The following SLCO6A1 variants were observed in gnomAD, a reference collection of about 807,000 sequenced individuals.
The protein encoded by SLCO6A1 is cancer/testis antigen 48.
Under a neutral mutation model 72.7 loss-of-function variants are expected in SLCO6A1, and 65 were observed. The ratio of observed to expected loss-of-function variants is 0.89; its 90% confidence interval spans 0.73 to 1.10. The LOEUF (loss-of-function observed/expected upper bound fraction) is 1.10, where lower values mean the gene tolerates loss of function less well. SLCO6A1 is among the 50% of genes least tolerant of loss of function. SLCO6A1 has a pLI of 0.00. For synonymous variants in SLCO6A1, 314 were observed against 298.2 expected, an observed-to-expected ratio of 1.05 and a Z score of -0.55; for missense variants, 874 against 872.6, an observed-to-expected ratio of 1.00 and a Z score of -0.02.
chr5:102,483,718 G>T (rs1752318019), intron 1 of SLCO6A1, among the ~76,000 whole-genome samples: 1 of 152,150 alleles, frequency 6.6e-6, no homozygotes, highest in Non-Finnish European at 1.5e-5. Context: ...TTCAAGCAAG[G>T]AACTGTTTCT....
chr5:102,378,599 G>A (rs1240011087), intron 12 of SLCO6A1, among the ~76,000 whole-genome samples: 3 of 144,034 alleles, frequency 2.1e-5, no homozygotes, highest in East Asian at 2.0e-4. Flanking sequence ...CCAAAATTAT[G>A]TAAGTGGAAT....
chr5:102,422,068 T>C (rs1477843612), intron 7 of SLCO6A1, among the ~76,000 whole-genome samples: 2 of 151,998 alleles, frequency 1.3e-5, no homozygotes, highest in African/African-American at 4.8e-5. Context: ...CAGAAAGCAA[T>C]AACATCAACA....
chr5:102,465,609 C>T (rs1561484712), intron 4 of SLCO6A1, among the ~76,000 whole-genome samples: 1 of 151,974 alleles, frequency 6.6e-6, no homozygotes, highest in Non-Finnish European at 1.5e-5. Context: ...ATCATATAAC[C>T]TAGAAGAATA....
At chr5:102,422,286 C>T (rs547729858) in intron 7 of SLCO6A1, among the ~76,000 whole-genome samples, 2 of 152,250 alleles carry the variant, frequency 1.3e-5, no homozygotes, top group Admixed American at 6.5e-5. Context: ...CACAAATTGA[C>T]AGAAGTAAGC....
chr5:102,412,874 A>G, intron 9 of SLCO6A1, 116 bp downstream of exon 9: 1 of 389,342 alleles, frequency 2.6e-6, no homozygotes, highest in Non-Finnish European at 4.2e-6. Context: ...GAAAAATGTT[A>G]ATAGCATCTA....
chr5:102,439,068 G>C (rs1355590558), intron 6 of SLCO6A1, among the ~76,000 whole-genome samples: 1 of 151,812 alleles, frequency 6.6e-6, no homozygotes, highest in African/African-American at 2.4e-5. Flanking sequence ...AAAGATTAGA[G>C]AAAAATAGGT....
chr5:102,429,042 A>G lies in SLCO6A1; in HGVS notation c.1277-9021T>C, dbSNP rs549791242. On this transcript the variant is annotated intron_variant, in intron 7 of 13. Transcript: ENST00000506729. Reference sequence around the variant, plus strand: ...GGTATTGATTTGCATTTCTCTAATGATAAGTGATACTGAGGTTTTTTCATA... The same window carrying G: ...GGTATTGATTTGCATTTCTCTAATGGTAAGTGATACTGAGGTTTTTTCATA... Among the ~76,000 whole-genome samples the G allele has an allele frequency of 7.2e-5, 11 of 152,294 alleles. No homozygotes were observed. In the East Asian group the frequency reaches 2.1e-3, roughly 29 times the overall value.
chr5:102,433,842 G>A (rs911493709), intron 7 of SLCO6A1, among the ~76,000 whole-genome samples: 24 of 152,068 alleles, frequency 1.6e-4, no homozygotes, highest in African/African-American at 5.6e-4. Context: ...GGGAGCTAGT[G>A]AGGTTTTTTG....
Position 102,388,710 on chromosome 5 carries a change from C to A in SLCO6A1, c.1995G>T (p.Met665Ile). The change falls in exon 12 of 14, where the codon ATG (methionine) becomes ATT (isoleucine). Residue 665 changes from methionine (M) to isoleucine (I), a missense_variant. By Grantham distance (10) the Met-to-Ile change is conservative (BLOSUM62 1). Coordinates refer to ENST00000506729, the MANE Select transcript of SLCO6A1 (RefSeq NM_173488.5). ...TACATATTCCTACCAATAAGAAAGCCATTTTTGTCTTGTTATATATCCAAC... is the reference window on the plus strand; with the variant it reads ...TACATATTCCTACCAATAAGAAAGCAATTTTTGTCTTGTTATATATCCAAC... Reference protein sequence around the residue: ...GRCWIYNKTKMAFLLVGICFL... With the variant: ...GRCWIYNKTKIAFLLVGICFL... 6.3e-7 allele frequency: 1 copy of A among 1,580,818 alleles called. No homozygotes were observed. Among genetic ancestry groups the A allele is most frequent in the East Asian group, 2.3e-5 (1 of 43,668 alleles).
chr5:102,423,445 G>A (rs1748717816), intron 7 of SLCO6A1, among the ~76,000 whole-genome samples: 1 of 151,616 alleles, frequency 6.6e-6, no homozygotes, highest in Admixed American at 6.6e-5. Context: ...CAAGCAAATG[G>A]AAAGAAGAAA....
chr5:102,411,959 T>C (rs939006167), intron 9 of SLCO6A1, among the ~76,000 whole-genome samples: 2 of 152,128 alleles, frequency 1.3e-5, no homozygotes, highest in South Asian at 4.1e-4. Context: ...GAATAGGAAA[T>C]ATTTGTCATC....
intron 12 of SLCO6A1, among the ~76,000 whole-genome samples, chr5:102,381,368 T>C (rs1406454270): frequency 6.6e-6 from 1 of 151,848 alleles, no homozygotes; most frequent in Non-Finnish European, 1.5e-5. Flanking sequence ...CATGATGTCC[T>C]GTAGTTTCAC....
chr5:102,449,524 C>T (rs957107003), intron 6 of SLCO6A1, among the ~76,000 whole-genome samples: 13 of 151,898 alleles, frequency 8.6e-5, no homozygotes, highest in Non-Finnish European at 1.8e-4. Flanking sequence ...GTAGCTGAGA[C>T]TACAGGCACC....
rs1376432958 is a variant in SLCO6A1, at chr5:102,498,958, A to C, written c.-114T>G. On this transcript the variant is annotated 5_prime_UTR_variant, in exon 1 of 14. Coordinates refer to ENST00000506729, the MANE Select transcript of SLCO6A1 (RefSeq NM_173488.5). ...GGGCGTCGGAGGACTCGGTGGCCAC[A>C]AGGGGCTCTTGCCGCCCAAGCCTCC... 4 of 1,010,068 alleles carry C rather than the reference A, an allele frequency of 4.0e-6. No individual in the cohort carries two copies. Among genetic ancestry groups the C allele is most frequent in the Non-Finnish European group, 5.8e-6 (4 of 688,238 alleles). 62.6% of individuals were successfully genotyped at this position (1,010,068 alleles called of 1,614,324 possible). A position where few individuals can be genotyped will look rare whatever the true frequency, so the allele number is the denominator to read the frequency against.
intron 7 of SLCO6A1, among the ~76,000 whole-genome samples, chr5:102,435,306 G>A (rs955091352): frequency 6.6e-6 from 1 of 152,098 alleles, no homozygotes; most frequent in Non-Finnish European, 1.5e-5. Flanking sequence ...GTTTGTTGTA[G>A]CCTCAATATA....
At chr5:102,426,579 A>G (rs1748906175) in intron 7 of SLCO6A1, among the ~76,000 whole-genome samples, 1 of 152,242 alleles carries the variant, frequency 6.6e-6, no homozygotes, top group Non-Finnish European at 1.5e-5. Context: ...ATACCATCTC[A>G]TGCCAGTTAG....
At chr5:102,478,382 T>C (rs1752021595) in intron 2 of SLCO6A1, among the ~76,000 whole-genome samples, 1 of 152,212 alleles carries the variant, frequency 6.6e-6, no homozygotes, top group Non-Finnish European at 1.5e-5. Flanking sequence ...TGTTCTAGAT[T>C]ATCTGCGTTA....
chr5:102,437,564 C>T (rs1166021373), intron 7 of SLCO6A1, among the ~76,000 whole-genome samples: 1 of 152,012 alleles, frequency 6.6e-6, no homozygotes, highest in Non-Finnish European at 1.5e-5. Context: ...TCAGAGTGCC[C>T]CAAACCTGGT....
Position 102,373,321 on chromosome 5 carries a change from A to C in SLCO6A1, c.*15+16T>G. ...ATTAATATTTCATTGATAGATTGAC[A>C]ATGTGTAATTCTTACACAATGATGA... On this transcript the variant is annotated intron_variant, in intron 13 of 13. Transcript: ENST00000506729. The C allele has an allele frequency of 6.9e-7, 1 of 1,456,802 alleles. No individual in the cohort carries two copies. Among genetic ancestry groups the C allele is most frequent in the Non-Finnish European group, 9.1e-7 (1 of 1,103,660 alleles). The allele number at this position is 1,456,802 out of a possible 1,614,324, so 90.2% of individuals were successfully genotyped here.
Sources: allele counts gnomAD v4.1 joint callset (sites outside exome capture counted in the v4.1 genomes callset), GRCh38; gene constraint gnomAD v4.1.1; transcripts MANE v1.5; gene names NCBI Gene and HGNC (gene_info 2026-07-23, HGNC 2026-07-21).